The following ARHGEF28 variants were observed in gnomAD, a reference collection of about 807,000 sequenced individuals.
ARHGEF28 encodes Rho guanine nucleotide exchange factor 28.
A neutral mutation model predicts 206.6 loss-of-function variants in ARHGEF28; 152 were observed. The observed-to-expected ratio is 0.74, with a 90% confidence interval of 0.64 to 0.84. The LOEUF (loss-of-function observed/expected upper bound fraction) is 0.84. Ranked by LOEUF, ARHGEF28 falls within the 40% of genes least tolerant of loss-of-function variation. The probability of loss-of-function intolerance (pLI) is 0.00; values close to 1 mark genes in which losing one functional copy is unlikely to be tolerated. For synonymous variants in ARHGEF28, 763 were observed against 776.4 expected, an observed-to-expected ratio of 0.98 and a Z score of 0.29; for missense variants, 2,028 against 2,073.2, an observed-to-expected ratio of 0.98 and a Z score of 0.42.
intron 35 of ARHGEF28, among the ~76,000 whole-genome samples, chr5:73,921,662 CAAGTTTT>C (rs1290785168): frequency 6.6e-6 from 1 of 152,078 alleles, no homozygotes; most frequent in Non-Finnish European, 1.5e-5. Flanking sequence ...TCTTTTTGTA[CAAGTTTT>C]ATTACACTAT....
At chr5:73,815,190 G>GTGTATATA (rs1204845184) in intron 9 of ARHGEF28, among the ~76,000 whole-genome samples, 39 of 148,546 alleles carry the variant, frequency 2.6e-4, no homozygotes, top group Admixed American at 4.7e-4. Flanking sequence ...GATTCAGGGG[G>GTGTATATA]TATATATATA....
chr5:73,737,346 CTT>C (rs1580545453), intron 2 of ARHGEF28, among the ~76,000 whole-genome samples: 1 of 151,668 alleles, frequency 6.6e-6, no homozygotes, highest in East Asian at 1.9e-4. Context: ...CTCCATGTTG[CTT>C]TGTTTTTCCA....
chr5:73,906,800 T>C (rs540633953), intron 33 of ARHGEF28, among the ~76,000 whole-genome samples: 17 of 152,324 alleles, frequency 1.1e-4, no homozygotes, highest in African/African-American at 3.4e-4. Context: ...TTTTTCATTT[T>C]GTGTCCCCAG....
intron 34 of ARHGEF28, among the ~76,000 whole-genome samples, chr5:73,910,381 CAAAAAAAAAAAAAAAAA>C (rs60086897): frequency 3.2e-5 from 1 of 31,008 alleles, no homozygotes. Flanking sequence ...AACACCATCT[CAAAAAAAAAAAAAAAAA>C]AAAAAAAAGG....
chr5:73,639,444 A>T (rs1228304097), intron 1 of ARHGEF28, among the ~76,000 whole-genome samples: 1 of 151,786 alleles, frequency 6.6e-6, no homozygotes, highest in East Asian at 1.9e-4. Context: ...TTTGGCTAGT[A>T]AAAAAATGTG....
intron 1 of ARHGEF28, among the ~76,000 whole-genome samples, chr5:73,668,533 G>T (rs1309591429): frequency 6.6e-6 from 1 of 152,168 alleles, no homozygotes; most frequent in African/African-American, 2.4e-5. Flanking sequence ...CAAGGGCAGA[G>T]ACCTCTTAAA....
intron 2 of ARHGEF28, among the ~76,000 whole-genome samples, chr5:73,731,893 C>T (rs1197032526): frequency 6.6e-6 from 1 of 152,042 alleles, no homozygotes; most frequent in Non-Finnish European, 1.5e-5. Context: ...TGTAGAAGTA[C>T]ATCTAGCACT....
At chr5:73,888,452 T>A (rs1477356770) in intron 26 of ARHGEF28, among the ~76,000 whole-genome samples, 4 of 152,214 alleles carry the variant, frequency 2.6e-5, no homozygotes, top group Non-Finnish European at 5.9e-5. Flanking sequence ...CTTGAGATTC[T>A]CTTAAAGAAC....
chr5:73,695,002 T>TTG (rs1325886422), intron 2 of ARHGEF28, among the ~76,000 whole-genome samples: 1 of 152,092 alleles, frequency 6.6e-6, no homozygotes, highest in Non-Finnish European at 1.5e-5. Context: ...TGGCAGAGAA[T>TTG]TGTGTGTGTG....
chr5:73,851,419 T>C (rs1257403052), intron 13 of ARHGEF28, among the ~76,000 whole-genome samples: 1 of 152,062 alleles, frequency 6.6e-6, no homozygotes, highest in African/African-American at 2.4e-5. Context: ...TTTTTTTTTT[T>C]TGAGCCAAGA....
intron 2 of ARHGEF28, among the ~76,000 whole-genome samples, chr5:73,690,627 G>T (rs1012473203): frequency 6.6e-6 from 1 of 151,330 alleles, no homozygotes; most frequent in Non-Finnish European, 1.5e-5. Context: ...GAGCCAAGGA[G>T]TTCAAGGCTG....
chr5:73,906,389 C>T (rs904307911), intron 33 of ARHGEF28, among the ~76,000 whole-genome samples: 2 of 152,150 alleles, frequency 1.3e-5, no homozygotes, highest in Non-Finnish European at 2.9e-5. Context: ...TAGGCGTGTG[C>T]CACCAAGCCT....
intron 35 of ARHGEF28, among the ~76,000 whole-genome samples, chr5:73,938,820 C>A (rs915310168): frequency 1.3e-5 from 2 of 152,050 alleles, no homozygotes; most frequent in Non-Finnish European, 2.9e-5. Context: ...TGTAATGTTG[C>A]CCTGACAAGG....
intron 1 of ARHGEF28, among the ~76,000 whole-genome samples, chr5:73,681,525 T>C (rs531633646): frequency 6.6e-6 from 1 of 152,158 alleles, no homozygotes; most frequent in East Asian, 1.9e-4. Context: ...TAAAAATTGA[T>C]GATTATAGGC....
At chr5:73,813,063 G>T (rs970822278) in intron 9 of ARHGEF28, among the ~76,000 whole-genome samples, 1 of 152,046 alleles carries the variant, frequency 6.6e-6, no homozygotes, top group Non-Finnish European at 1.5e-5. Flanking sequence ...CATTTGCCTG[G>T]GGATCAAGCT....
chr5:73,828,921 A>G (rs1310703190), intron 9 of ARHGEF28, among the ~76,000 whole-genome samples: 4 of 151,902 alleles, frequency 2.6e-5, no homozygotes, highest in African/African-American at 9.7e-5. Flanking sequence ...CCCAGGCTCA[A>G]GCAATCCTCT....
At chr5:73,767,114 T>G (rs1752939856) in intron 4 of ARHGEF28, among the ~76,000 whole-genome samples, 1 of 152,220 alleles carries the variant, frequency 6.6e-6, no homozygotes, top group Non-Finnish European at 1.5e-5. Flanking sequence ...AAGTGCCTTT[T>G]GCCTTCTGCT....
chr5:73,641,517 A>G (rs1439743245), intron 1 of ARHGEF28, among the ~76,000 whole-genome samples: 1 of 152,016 alleles, frequency 6.6e-6, no homozygotes. Flanking sequence ...TTTAGGGCCT[A>G]AGTACACTGA....
chr5:73,727,324 G>C (rs1428987265), intron 2 of ARHGEF28, among the ~76,000 whole-genome samples: 1 of 152,182 alleles, frequency 6.6e-6, no homozygotes, highest in Non-Finnish European at 1.5e-5. Flanking sequence ...ACCTGAGGGG[G>C]TGAGTGAAAT....
Sources: gnomAD v4.1 joint callset for allele counts (sites outside exome capture counted in the v4.1 genomes callset) on GRCh38, gnomAD v4.1.1 for gene constraint, MANE v1.5 for transcripts, NCBI Gene and HGNC (gene_info 2026-07-23, HGNC 2026-07-21) for gene names.